The following ETS1 variants were observed in gnomAD, a reference collection of about 807,000 sequenced individuals.
ETS1 encodes the protein protein C-ets-1.
ETS1 carries 15 observed loss-of-function variants against 58.6 expected under a neutral mutation model. The observed-to-expected ratio is 0.26, with a 90% CI of 0.17 to 0.39. The LOEUF (loss-of-function observed/expected upper bound fraction) is 0.39. Among genes scored for constraint, ETS1 ranks in the 10% least tolerant of loss-of-function variants. The pLI is 1.00. For missense variants in ETS1, 417 were observed against 610.5 expected (o/e 0.68, Z 3.34); for synonymous variants, 214 against 218.2 (o/e 0.98, Z 0.17).
chr11:128,515,957 G>A (rs1036672088), intron 3 of ETS1, among the ~76,000 whole-genome samples: 3 of 152,182 alleles, frequency 2.0e-5, no homozygotes, highest in Admixed American at 6.5e-5. Context: ...ATATGACAGC[G>A]TTGGCCAAGT....
At chr11:128,503,280 A>C (rs1045197628) in intron 3 of ETS1, among the ~76,000 whole-genome samples, 4 of 152,250 alleles carry the variant, frequency 2.6e-5, no homozygotes, top group Non-Finnish European at 4.4e-5. Context: ...TTTATAACTT[A>C]AAATTTTAAG....
At chr11:128,507,764 C>T (rs1863282610) in intron 3 of ETS1, among the ~76,000 whole-genome samples, 1 of 152,186 alleles carries the variant, frequency 6.6e-6, no homozygotes, top group African/African-American at 2.4e-5. Flanking sequence ...TCTTCACTGA[C>T]CTGGACCTTC....
At chr11:128,553,235 C>T (rs879673260) in intron 3 of ETS1, among the ~76,000 whole-genome samples, 3 of 152,028 alleles carry the variant, frequency 2.0e-5, no homozygotes, top group Non-Finnish European at 2.9e-5. Context: ...AAGAGGCGGA[C>T]GGTAGGAGGA....
intron 8 of ETS1, among the ~76,000 whole-genome samples, chr11:128,467,559 C>T (rs1459047769): frequency 1.3e-5 from 2 of 152,190 alleles, no homozygotes; most frequent in East Asian, 3.8e-4. Flanking sequence ...TCCCCCTTAT[C>T]CCTGTGCCCA....
At chr11:128,526,906 T>C in intron 3 of ETS1, 1 of 456,192 alleles carries the variant, frequency 2.2e-6, no homozygotes, top group Non-Finnish European at 4.4e-6. Context: ...AAAATGAGTG[T>C]GAGTGAGGAA....
chr11:128,576,450 T>C (rs766081907), intron 1 of ETS1, among the ~76,000 whole-genome samples: 1 of 129,168 alleles, frequency 7.7e-6, no homozygotes, highest in Non-Finnish European at 1.6e-5. Flanking sequence ...TTCTTAGCAT[T>C]GCACACGTTT....
chr11:128,526,147 G>C (rs900183529), intron 3 of ETS1: 1 of 146,824 alleles, frequency 6.8e-6, no homozygotes, highest in Non-Finnish European at 1.5e-5. Flanking sequence ...CTGCAGTCAG[G>C]AGGGAAGAAG....
intron 3 of ETS1, among the ~76,000 whole-genome samples, chr11:128,514,833 C>T (rs960543000): frequency 2.6e-5 from 4 of 152,200 alleles, no homozygotes; most frequent in African/African-American, 9.7e-5. Context: ...GAATTCCTAA[C>T]CAGGTGTAAT....
At chr11:128,525,070 C>T (rs1863774452) in intron 3 of ETS1, among the ~76,000 whole-genome samples, 2 of 152,184 alleles carry the variant, frequency 1.3e-5, no homozygotes, top group East Asian at 3.9e-4. Flanking sequence ...TGTGCTTGTG[C>T]TTGTACTGCA....
intron 1 of ETS1, among the ~76,000 whole-genome samples, chr11:128,585,036 GA>G (rs1205823150): frequency 0.039 from 131 of 3,390 alleles, 14 homozygotes; most frequent in East Asian, 0.079. Context: ...AGAAAGAAAA[GA>G]AAGAAAGAAA....
At chr11:128,543,464 A>G (rs1591652620) in intron 3 of ETS1, among the ~76,000 whole-genome samples, 1 of 152,304 alleles carries the variant, frequency 6.6e-6, no homozygotes, top group African/African-American at 2.4e-5. Context: ...GAAAATGAGA[A>G]AAGTAAGTGA....
chr11:128,531,318 G>A (rs1278831945), intron 3 of ETS1, among the ~76,000 whole-genome samples: 1 of 152,218 alleles, frequency 6.6e-6, no homozygotes, highest in African/African-American at 2.4e-5. Flanking sequence ...GAGATGAGAT[G>A]AATGGGTGCC....
chr11:128,529,428 A>G (rs1373717076), intron 3 of ETS1, among the ~76,000 whole-genome samples: 2 of 152,240 alleles, frequency 1.3e-5, no homozygotes, highest in African/African-American at 4.8e-5. Flanking sequence ...AGCAGGTGGC[A>G]CAGAAATATA....
intron 3 of ETS1, among the ~76,000 whole-genome samples, chr11:128,513,873 G>A (rs542593611): frequency 6.6e-5 from 10 of 152,264 alleles, no homozygotes; most frequent in South Asian, 2.1e-4. Flanking sequence ...GCAACATAGC[G>A]AGACCTCATT....
chr11:128,545,029 G>GT (rs967964551), intron 3 of ETS1, among the ~76,000 whole-genome samples: 1 of 151,588 alleles, frequency 6.6e-6, no homozygotes, highest in Non-Finnish European at 1.5e-5. Context: ...GGGTGGGGGG[G>GT]GCAGTGTAAG....
chr11:128,477,747 A>G (rs1366604181), intron 8 of ETS1, among the ~76,000 whole-genome samples: 2 of 152,258 alleles, frequency 1.3e-5, no homozygotes, highest in African/African-American at 2.4e-5. Context: ...CTTGAATCCA[A>G]GGAGACAGTG....
At chr11:128,481,496 T>C (rs1862485505) in intron 7 of ETS1, among the ~76,000 whole-genome samples, 1 of 152,120 alleles carries the variant, frequency 6.6e-6, no homozygotes. Flanking sequence ...CAGGAATGGT[T>C]TTTATATGCA....
chr11:128,578,415 T>C (rs1864795870), intron 1 of ETS1, among the ~76,000 whole-genome samples: 1 of 152,196 alleles, frequency 6.6e-6, no homozygotes, highest in Admixed American at 6.5e-5. Context: ...TTTGGGGTTA[T>C]GTATTCCTAA....
At chr11:128,515,356 C>T (rs1475034286) in intron 3 of ETS1, among the ~76,000 whole-genome samples, 2 of 152,000 alleles carry the variant, frequency 1.3e-5, no homozygotes, top group East Asian at 3.9e-4. Context: ...TCACAGCTAC[C>T]CAAAGCTACC....
Sources: gnomAD v4.1 joint callset for allele counts (sites outside exome capture counted in the v4.1 genomes callset) on GRCh38, gnomAD v4.1.1 for gene constraint, MANE v1.5 for transcripts, NCBI Gene and HGNC (gene_info 2026-07-23, HGNC 2026-07-21) for gene names.